The following BICRA variants were observed in gnomAD, a reference collection of about 807,000 sequenced individuals.
BICRA encodes the protein BRD4-interacting chromatin-remodeling complex-associated protein.
In BICRA, 31 loss-of-function variants were observed where a neutral mutation model predicts 96.9. The ratio of observed to expected loss-of-function variants is 0.32; its 90% CI spans 0.24 to 0.43. The LOEUF (loss-of-function observed/expected upper bound fraction) is 0.43, where lower values mean the gene tolerates loss of function less well. BICRA is among the 20% of genes least tolerant of loss of function. The pLI is 1.00. For synonymous variants in BICRA, 1,350 were observed against 1,071.8 expected (o/e 1.26, Z -5.07); for missense variants, 2,283 against 2,190.3 (o/e 1.04, Z -0.84).
intron 1 of BICRA, among the ~76,000 whole-genome samples, chr19:47,668,251 T>G (rs527978297): frequency 5.9e-5 from 9 of 152,190 alleles, no homozygotes; most frequent in Admixed American, 5.9e-4. Flanking sequence ...ATTGTCATAG[T>G]CGGTCCTTGT....
intron 7 of BICRA, among the ~76,000 whole-genome samples, chr19:47,693,862 G>C (rs1973278925): frequency 6.6e-6 from 1 of 152,192 alleles, no homozygotes. Flanking sequence ...AAGTGGGGTT[G>C]AGATCGGAGG....
At chr19:47,623,584 G>T (rs1972096136) in intron 1 of BICRA, among the ~76,000 whole-genome samples, 1 of 152,132 alleles carries the variant, frequency 6.6e-6, no homozygotes, top group African/African-American at 2.4e-5. Context: ...CAAATAGCCG[G>T]TGCTGTGCCT....
At chr19:47,647,893 G>A (rs1353250941) in intron 1 of BICRA, among the ~76,000 whole-genome samples, 2 of 151,758 alleles carry the variant, frequency 1.3e-5, no homozygotes, top group Non-Finnish European at 2.9e-5. Context: ...CGTAGTTCGC[G>A]GGGGGAGTGG....
At chr19:47,685,894 A>G (rs1429601467) in intron 7 of BICRA, among the ~76,000 whole-genome samples, 1 of 151,260 alleles carries the variant, frequency 6.6e-6, no homozygotes, top group African/African-American at 2.4e-5. Flanking sequence ...ATCTTGGAGC[A>G]CTGGCTTTCA....
At chr19:47,696,048 C>T (rs1973336381) in intron 10 of BICRA, among the ~76,000 whole-genome samples, 1 of 151,842 alleles carries the variant, frequency 6.6e-6, no homozygotes, top group South Asian at 2.1e-4. Context: ...GAGGGGAAGC[C>T]AGGAAGGGAG....
intron 1 of BICRA, among the ~76,000 whole-genome samples, chr19:47,655,752 AG>A (rs766122660): frequency 6.6e-6 from 1 of 151,178 alleles, no homozygotes; most frequent in East Asian, 1.9e-4. Flanking sequence ...GCTACTCGGG[AG>A]GCTGAGGCAG....
chr19:47,690,930 TAGG>T (rs1362541533), intron 7 of BICRA, among the ~76,000 whole-genome samples: 1 of 152,192 alleles, frequency 6.6e-6, no homozygotes, highest in East Asian at 1.9e-4. Context: ...AGAGAGCTCA[TAGG>T]AGTTCTTTAC....
chr19:47,682,350 C>G lies in BICRA; in HGVS notation c.2283+198C>G, dbSNP rs112928445. 3.3e-5 allele frequency among the ~76,000 whole-genome samples: 5 copies of G among 152,330 alleles called. 1 individual carries two copies. Among genetic ancestry groups the G allele is most frequent in the African/African-American group, 1.2e-4 (5 of 41,570 alleles). ...AGGGCCGGCCCTGGGGGAGCCCACG[C>G]GCTGCAGGAATGCAAGACACACACG... On this transcript the variant is annotated intron_variant, in intron 7 of 14. Transcript: ENST00000594866.
intron 7 of BICRA, among the ~76,000 whole-genome samples, chr19:47,686,032 G>A (rs925294901): frequency 4.0e-5 from 6 of 151,278 alleles, no homozygotes; most frequent in African/African-American, 9.7e-5. Flanking sequence ...CCAGGTTCAA[G>A]CGATTCTCCT....
In BICRA at chr19:47,626,717, G is replaced by GTT. The variant is rs35347398; in HGVS notation, c.-108+17568_-108+17569dup. Among the ~76,000 whole-genome samples the GTT allele has an allele frequency of 1.2e-3, 117 of 101,228 alleles. 1 individual carries two copies. Among genetic ancestry groups the GTT allele is most frequent in the Non-Finnish European group, 1.4e-3 (75 of 52,186 alleles). 66.4% of individuals were successfully genotyped at this position (101,228 alleles called of 152,430 possible). A position where few individuals can be genotyped will look rare whatever the true frequency, so the allele number is the denominator to read the frequency against. ...GCTACCACGTCCAGCTGCATCCTGG[G>GTT]TTTTTTTTTTTTTTTTTTTTCTGAG... On this transcript the variant is annotated intron_variant, in intron 1 of 14. Coordinates refer to ENST00000594866, the MANE Select transcript of BICRA (RefSeq NM_001394372.1).
At chr19:47,620,965 C>A (rs1972057173) in intron 1 of BICRA, among the ~76,000 whole-genome samples, 1 of 152,090 alleles carries the variant, frequency 6.6e-6, no homozygotes, top group Non-Finnish European at 1.5e-5. Context: ...TGTCTACGGC[C>A]ATTGCTTGTC....
At chr19:47,643,375 A>G (rs886739359) in intron 1 of BICRA, among the ~76,000 whole-genome samples, 1 of 152,188 alleles carries the variant, frequency 6.6e-6, no homozygotes, top group African/African-American at 2.4e-5. Context: ...GCTGCCCCTG[A>G]CTGACAAAGT....
At chr19:47,660,091 T>C (rs1972682912) in intron 1 of BICRA, among the ~76,000 whole-genome samples, 3 of 152,142 alleles carry the variant, frequency 2.0e-5, no homozygotes, top group Admixed American at 2.0e-4. Context: ...CAGAAAACTA[T>C]TCTCGTATAG....
At chr19:47,610,175 C>T (rs2123498604) in intron 1 of BICRA, among the ~76,000 whole-genome samples, 1 of 152,260 alleles carries the variant, frequency 6.6e-6, no homozygotes, top group East Asian at 1.9e-4. Flanking sequence ...GCAGCCAGGC[C>T]GCGGGCACCC....
At chr19:47,613,554 G>T (rs1400840877) in intron 1 of BICRA, among the ~76,000 whole-genome samples, 3 of 152,122 alleles carry the variant, frequency 2.0e-5, no homozygotes, top group African/African-American at 7.2e-5. Flanking sequence ...AGTCACCCGT[G>T]CCGTGTCCAC....
At position 47,701,197 on chromosome 19, in the gene BICRA, G is replaced by A; in HGVS notation, c.3596-131G>A. On this transcript the variant is annotated intron_variant, in intron 14 of 14. Coordinates refer to ENST00000594866, the MANE Select transcript of BICRA (RefSeq NM_001394372.1). This position sits in a 1 kb window ranked among gnomAD's most constrained non-coding sequence, Gnocchi z 5.4. ...AAGAGGGTCTCACCAAGCCTATCCTGAGGATTGGAGGGTCCAGGGTGCAGT... is the reference window on the plus strand; with the variant it reads ...AAGAGGGTCTCACCAAGCCTATCCTAAGGATTGGAGGGTCCAGGGTGCAGT... 1 of 662,426 alleles carries A rather than the reference G, an allele frequency of 1.5e-6. No homozygotes were observed. Among genetic ancestry groups the A allele is most frequent in the East Asian group, 2.7e-5 (1 of 36,832 alleles). The allele number at this position is 662,426 out of a possible 1,614,324, so 41.0% of individuals were successfully genotyped here.
Position 47,617,260 on chromosome 19 carries a change from C to A in BICRA, c.-108+8092C>A, listed in dbSNP as rs1182958779. ...AAAGTCCTGGGATTATAGGCATGAG[C>A]AACTGCACCTGGCCGTCTTTGTTTA... On this transcript the variant is annotated intron_variant, in intron 1 of 14. Transcript: ENST00000594866. Among the ~76,000 whole-genome samples the A allele has an allele frequency of 2.0e-5, 3 of 152,274 alleles. No individual in the cohort carries two copies. In the East Asian group the frequency reaches 5.8e-4, roughly 29 times the overall value.
Position 47,694,940 on chromosome 19 carries a change from C to G in BICRA, c.2936C>G (p.Ala979Gly), listed in dbSNP as rs776041851. The G allele has an allele frequency of 6.5e-6, 10 of 1,530,732 alleles. No individual in the cohort carries two copies. The East Asian group carries it at 9.1e-5, about 14-fold the overall frequency. 94.8% of individuals were successfully genotyped at this position (1,530,732 alleles called of 1,614,324 possible). ...GIILQNKAGG[A>G]PAAPQTSTSL... ...ATCCTCCAGAACAAGGCTGGGGGGG[C>G]CCCTGCCGCCCCGCAGACCTCCACC... Residue 979 changes from alanine (A) to glycine (G), a missense_variant, in exon 9 of 15, where the codon GCC becomes GGC. Transcript: ENST00000594866.
Position 47,610,490 on chromosome 19 carries a change from C to T in BICRA, c.-108+1322C>T, listed in dbSNP as rs1163193206. 3.9e-5 allele frequency among the ~76,000 whole-genome samples: 6 copies of T among 152,218 alleles called. No homozygotes were observed. The East Asian group carries it at 1.2e-3, about 29-fold the overall frequency. ...CTTCCCGGGAGGTGGGGTCAGAGGC[C>T]GCGGTGTCAGCTCTCCCGGGGAGGC... On this transcript the variant is annotated intron_variant, in intron 1 of 14. Transcript: ENST00000594866.
Sources: gnomAD v4.1 joint callset for allele counts (sites outside exome capture counted in the v4.1 genomes callset) on GRCh38, gnomAD v4.1.1 for gene constraint, Gnocchi (gnomAD v3.1) non-coding constraint, MANE v1.5 for transcripts, NCBI Gene and HGNC (gene_info 2026-07-23, HGNC 2026-07-21) for gene names.